KCNQ3: variants seen among roughly 807,000 people sequenced by gnomAD.
KCNQ3 encodes the protein potassium voltage-gated channel subfamily KQT member 3.
In KCNQ3, 30 loss-of-function variants were observed where a neutral mutation model predicts 92.5. The observed-to-expected ratio is 0.32, with a 90% CI of 0.24 to 0.44. KCNQ3 has a LOEUF of 0.44. KCNQ3 is among the 20% of genes least tolerant of loss of function. The pLI, the probability that KCNQ3 is intolerant of heterozygous loss-of-function variation, is 1.00. For missense variants in KCNQ3, 913 were observed against 1,140.3 expected (o/e 0.80, Z 2.87); for synonymous variants, 450 against 468.8 (o/e 0.96, Z 0.52).
At chr8:132,260,815 GTCCATCCAAACTTCCATCCAACCA>G (rs1430256279) in intron 1 of KCNQ3, among the ~76,000 whole-genome samples, 1 of 151,474 alleles carries the variant, frequency 6.6e-6, no homozygotes, top group Non-Finnish European at 1.5e-5. Flanking sequence ...CCAATCCTCA[GTCCATCCAAACTTCCATCCAACCA>G]TCCATCCAAA....
intron 1 of KCNQ3, among the ~76,000 whole-genome samples, chr8:132,457,193 G>A (rs1466128048): frequency 2.0e-5 from 3 of 152,204 alleles, no homozygotes; most frequent in Non-Finnish European, 4.4e-5. Context: ...AGTGCTGTGG[G>A]CAGGAGCCCA....
chr8:132,318,685 G>A (rs987804079), intron 1 of KCNQ3, among the ~76,000 whole-genome samples: 6 of 152,156 alleles, frequency 3.9e-5, no homozygotes, highest in Admixed American at 6.5e-5. Context: ...TTGGGGTGCC[G>A]GTCCTGAAAA....
intron 1 of KCNQ3, among the ~76,000 whole-genome samples, chr8:132,294,475 G>T (rs1047286234): frequency 2.6e-5 from 4 of 152,326 alleles, no homozygotes; most frequent in African/African-American, 9.6e-5. Flanking sequence ...GAGTTAGGAA[G>T]AACAGAATCA....
intron 1 of KCNQ3, among the ~76,000 whole-genome samples, chr8:132,356,444 G>A (rs990681767): frequency 6.6e-6 from 1 of 152,166 alleles, no homozygotes; most frequent in African/African-American, 2.4e-5. Flanking sequence ...GAGGCTCTGG[G>A]CCCTCTGGAT....
At chr8:132,144,927 A>G (rs1586767744) in intron 9 of KCNQ3, among the ~76,000 whole-genome samples, 2 of 152,296 alleles carry the variant, frequency 1.3e-5, no homozygotes, top group South Asian at 2.1e-4. Context: ...GCACTCGGCC[A>G]CTACAGGGAA....
chr8:132,251,422 A>G (rs1232069717), intron 1 of KCNQ3, among the ~76,000 whole-genome samples: 1 of 152,216 alleles, frequency 6.6e-6, no homozygotes, highest in African/African-American at 2.4e-5. Context: ...TGTGGAAGAT[A>G]CTACTCCTCC....
chr8:132,315,099 T>C (rs187658343), intron 1 of KCNQ3, among the ~76,000 whole-genome samples: 10 of 152,334 alleles, frequency 6.6e-5, no homozygotes, highest in African/African-American at 2.4e-4. Flanking sequence ...TTCTGCTTAG[T>C]GTTTTAGGAA....
rs958828040 is a variant in KCNQ3 at position 132,128,599 on chromosome 8, C to A, written c.*663G>T. 2.0e-5 allele frequency: 3 copies of A among 152,602 alleles called. No homozygotes were observed. Among genetic ancestry groups the A allele is most frequent in the African/African-American group, 7.3e-5 (3 of 41,206 alleles). 9.5% of individuals were successfully genotyped at this position (152,602 alleles called of 1,614,324 possible). ...AGAAATGCTACACTTGGGATTACCA[C>A]CACTTTTTACAGATAAGGAAACTGA... On this transcript the variant is annotated 3_prime_UTR_variant, in exon 15 of 15. Transcript: ENST00000388996.
At chr8:132,317,783 T>C (rs1008755696) in intron 1 of KCNQ3, among the ~76,000 whole-genome samples, 5 of 151,944 alleles carry the variant, frequency 3.3e-5, no homozygotes, top group African/African-American at 9.7e-5. Context: ...CTTGTGGAGA[T>C]TGGAGTGAGA....
chr8:132,160,970 C>T (rs1394328328), intron 9 of KCNQ3, among the ~76,000 whole-genome samples: 1 of 152,084 alleles, frequency 6.6e-6, no homozygotes, highest in African/African-American at 2.4e-5. Flanking sequence ...AGGGTGTCAG[C>T]TGCCTTCACT....
chr8:132,302,740 C>A (rs1817259842), intron 1 of KCNQ3, among the ~76,000 whole-genome samples: 1 of 152,154 alleles, frequency 6.6e-6, no homozygotes, highest in South Asian at 2.1e-4. Flanking sequence ...GCCCTGTTAA[C>A]AATGCTGTAT....
chr8:132,195,837 C>T (rs1396670635), intron 1 of KCNQ3, among the ~76,000 whole-genome samples: 2 of 152,128 alleles, frequency 1.3e-5, no homozygotes, highest in African/African-American at 4.8e-5. Flanking sequence ...TCCTCGCAAA[C>T]AGGAGCCAAA....
At chr8:132,307,986 G>A (rs1259168984) in intron 1 of KCNQ3, among the ~76,000 whole-genome samples, 2 of 152,152 alleles carry the variant, frequency 1.3e-5, no homozygotes, top group East Asian at 1.9e-4. Flanking sequence ...CTGGTCCCCG[G>A]AGGATGGCAA....
At position 132,138,102 on chromosome 8, in the gene KCNQ3, G is replaced by A. The variant is rs925760039; in HGVS notation, c.1569-86C>T. 10 of 1,490,022 alleles carry A rather than the reference G, an allele frequency of 6.7e-6. 1 individual carries two copies. The South Asian group carries it at 1.1e-4, about 17-fold the overall frequency. 92.3% of individuals were successfully genotyped at this position (1,490,022 alleles called of 1,614,324 possible). A position where few individuals can be genotyped will look rare whatever the true frequency, so the allele number is the denominator to read the frequency against. On this transcript the variant is annotated intron_variant, in intron 11 of 14. Transcript: ENST00000388996. ...GAAGGCTAGCAAACTCCAGGGCAGG[G>A]GGAGAAAAGAACCAAAGATAAAAGA...
chr8:132,250,797 C>T (rs985871061), intron 1 of KCNQ3, among the ~76,000 whole-genome samples: 1 of 152,202 alleles, frequency 6.6e-6, no homozygotes, highest in Non-Finnish European at 1.5e-5. Context: ...GTAATGGCTG[C>T]CCTTAAGGTA....
rs1824688874 is a variant in KCNQ3 at position 132,126,925 on chromosome 8, A to T, written c.*2337T>A. 6.6e-6 allele frequency: 1 copy of T among 152,190 alleles called. No individual in the cohort carries two copies. Among genetic ancestry groups the T allele is most frequent in the African/African-American group, 2.4e-5 (1 of 41,462 alleles). 9.4% of individuals were successfully genotyped at this position (152,190 alleles called of 1,614,324 possible). A position where few individuals can be genotyped will look rare whatever the true frequency, so the allele number is the denominator to read the frequency against. ...ATACTAATAAGTAAGTTAAAAAATT[A>T]ATTGGCGCATATGTGGAGAGTATGA... On this transcript the variant is annotated 3_prime_UTR_variant, in exon 15 of 15. Transcript: ENST00000388996.
chr8:132,242,119 C>T (rs1024247693), intron 1 of KCNQ3, among the ~76,000 whole-genome samples: 4 of 152,168 alleles, frequency 2.6e-5, no homozygotes, highest in African/African-American at 9.7e-5. Flanking sequence ...AAAGTAATAT[C>T]TATTTGAGTC....
intron 1 of KCNQ3, among the ~76,000 whole-genome samples, chr8:132,461,424 G>A (rs1047420785): frequency 2.6e-5 from 4 of 152,152 alleles, no homozygotes; most frequent in African/African-American, 9.7e-5. Flanking sequence ...AACTAGCCGG[G>A]CGTGGTGGTG....
At chr8:132,408,592 T>A (rs769175131) in intron 1 of KCNQ3, among the ~76,000 whole-genome samples, 8 of 152,240 alleles carry the variant, frequency 5.3e-5, no homozygotes, top group African/African-American at 1.9e-4. Flanking sequence ...TTCCAGCAAC[T>A]ATTTTTACCT....
Sources: allele counts gnomAD v4.1 joint callset (sites outside exome capture counted in the v4.1 genomes callset), GRCh38; gene constraint gnomAD v4.1.1; transcripts MANE v1.5; gene names NCBI Gene and HGNC (gene_info 2026-07-23, HGNC 2026-07-21).